The following TOX variants were observed in gnomAD, a reference collection of about 807,000 sequenced individuals.
TOX encodes the protein thymocyte selection-associated high mobility group box protein TOX.
A neutral mutation model predicts 53.7 loss-of-function variants in TOX; 11 were observed. The ratio of observed to expected loss-of-function variants is 0.20; its 90% CI spans 0.13 to 0.34. The LOEUF is 0.34. Among genes scored for constraint, TOX ranks in the 10% least tolerant of loss-of-function variants. The pLI is 1.00. For synonymous variants in TOX, 225 were observed against 245.3 expected (o/e 0.92, Z 0.77); for missense variants, 570 against 664.6 (o/e 0.86, Z 1.56).
At chr8:58,928,591 T>C (rs1270927153) in intron 3 of TOX, among the ~76,000 whole-genome samples, 2 of 152,150 alleles carry the variant, frequency 1.3e-5, no homozygotes, top group Non-Finnish European at 2.9e-5. Context: ...AGTTACGTGA[T>C]CATAGCCTAT....
intron 3 of TOX, among the ~76,000 whole-genome samples, chr8:58,904,116 G>A (rs1563384810): frequency 1.3e-5 from 2 of 152,040 alleles, no homozygotes; most frequent in Non-Finnish European, 2.9e-5. Flanking sequence ...TGAGAAAAGT[G>A]TTCAAATACA....
At chr8:58,952,879 C>T (rs1461797378) in intron 2 of TOX, among the ~76,000 whole-genome samples, 1 of 152,160 alleles carries the variant, frequency 6.6e-6, no homozygotes, top group Non-Finnish European at 1.5e-5. Context: ...TTTAACCCAT[C>T]AGCAGCCTCA....
intron 1 of TOX, among the ~76,000 whole-genome samples, chr8:59,026,343 G>A (rs1029440282): frequency 1.3e-5 from 2 of 152,126 alleles, no homozygotes; most frequent in Non-Finnish European, 2.9e-5. Flanking sequence ...AGGCCTGAGA[G>A]GAATGTGTAA....
intron 1 of TOX, among the ~76,000 whole-genome samples, chr8:59,014,090 A>G (rs1813964992): frequency 6.6e-6 from 1 of 152,228 alleles, no homozygotes; most frequent in Non-Finnish European, 1.5e-5. Flanking sequence ...TAAAGTTTAA[A>G]AGACACTGTA....
chr8:58,929,164 T>TCCAC (rs1812216871), intron 3 of TOX, among the ~76,000 whole-genome samples: 1 of 152,148 alleles, frequency 6.6e-6, no homozygotes, highest in African/African-American at 2.4e-5. Context: ...TCAGAGGATT[T>TCCAC]AACTATCATT....
intron 1 of TOX, among the ~76,000 whole-genome samples, chr8:59,006,082 G>C (rs1351259706): frequency 1.3e-5 from 2 of 152,184 alleles, no homozygotes; most frequent in African/African-American, 4.8e-5. Context: ...ATAGATGTCA[G>C]ATCTTCTAAT....
At chr8:58,836,866 TCAGTGCCCAGAA>T (rs1810554588) in intron 5 of TOX, among the ~76,000 whole-genome samples, 1 of 152,220 alleles carries the variant, frequency 6.6e-6, no homozygotes. Flanking sequence ...TGTTCTATCC[TCAGTGCCCAGAA>T]CAGTGCCTGG....
At chr8:59,041,220 T>C (rs562765339) in intron 1 of TOX, among the ~76,000 whole-genome samples, 9 of 152,170 alleles carry the variant, frequency 5.9e-5, no homozygotes, top group Non-Finnish European at 1.0e-4. Flanking sequence ...CTTTCTCTAT[T>C]TAATTGATGG....
At chr8:58,860,246 A>G (rs1401680290) in intron 3 of TOX, among the ~76,000 whole-genome samples, 3 of 152,132 alleles carry the variant, frequency 2.0e-5, no homozygotes, top group Admixed American at 1.3e-4. Flanking sequence ...CAACTCATAA[A>G]AAGAGGATAA....
chr8:59,006,875 T>A (rs1485066132), intron 1 of TOX, among the ~76,000 whole-genome samples: 1 of 152,140 alleles, frequency 6.6e-6, no homozygotes, highest in Non-Finnish European at 1.5e-5. Flanking sequence ...TTGATGTAGG[T>A]CTCTTCTAAT....
chr8:58,980,332 G>C lies in TOX; in HGVS notation c.103-20324C>G, dbSNP rs558881435. On this transcript the variant is annotated intron_variant, in intron 1 of 8. Transcript: ENST00000361421. ...AGAGACCTCATCAGCTGTCTCCTGG[G>C]AGCTGCCGCTTGGCCTGTTCTCTCA... Among the ~76,000 whole-genome samples, 3 of 152,148 alleles carry C rather than the reference G, an allele frequency of 2.0e-5. No individual in the cohort carries two copies. The South Asian group carries it at 6.2e-4, about 32-fold the overall frequency.
chr8:59,040,774 C>T (rs547996130), intron 1 of TOX, among the ~76,000 whole-genome samples: 1 of 152,336 alleles, frequency 6.6e-6, no homozygotes, highest in Non-Finnish European at 1.5e-5. Flanking sequence ...GAGCCCCAAG[C>T]TACTCACTGC....
At chr8:59,047,962 A>C (rs925209349) in intron 1 of TOX, among the ~76,000 whole-genome samples, 1 of 152,236 alleles carries the variant, frequency 6.6e-6, no homozygotes, top group African/African-American at 2.4e-5. Flanking sequence ...GATACTCAGA[A>C]TAGAAACATA....
rs536195513 is a variant in TOX at position 59,110,821 on chromosome 8, C to T, written c.102+8065G>A. Among the ~76,000 whole-genome samples the T allele has an allele frequency of 3.9e-5, 6 of 152,018 alleles. No individual in the cohort carries two copies. In the South Asian group the frequency reaches 6.2e-4, roughly 16 times the overall value. ...TTTTCCCAATTCACCTTTGACTCTC[C>T]GGAAAGGTTATCTCTTTGACTCTCT... On this transcript the variant is annotated intron_variant, in intron 1 of 8. Transcript: ENST00000361421.
intron 5 of TOX, among the ~76,000 whole-genome samples, chr8:58,829,466 T>C (rs1437571066): frequency 6.6e-6 from 1 of 152,044 alleles, no homozygotes; most frequent in Non-Finnish European, 1.5e-5. Context: ...TCACGTCACA[T>C]TACATGGATT....
At chr8:59,027,994 C>T (rs1814276956) in intron 1 of TOX, among the ~76,000 whole-genome samples, 1 of 152,028 alleles carries the variant, frequency 6.6e-6, no homozygotes, top group Non-Finnish European at 1.5e-5. Context: ...ACTCTGTGTT[C>T]AAAGAAGAAA....
rs575065336 is a variant in TOX, at chr8:59,028,406, T to A, written c.103-68398A>T. On this transcript the variant is annotated intron_variant, in intron 1 of 8. Transcript: ENST00000361421. The stretch of plus-strand genomic sequence containing the variant: ...TTACAAAGGCTTAGAAGCCATATAT[T>A]TTATAGTTTCTTAGACATCAAAAAT... Among the ~76,000 whole-genome samples the A allele has an allele frequency of 8.1e-4, 123 of 152,282 alleles. No homozygotes were observed. In the Middle Eastern group the frequency reaches 0.01, roughly 13 times the overall value.
At chr8:58,850,624 G>A (rs1478394879) in intron 4 of TOX, among the ~76,000 whole-genome samples, 1 of 152,160 alleles carries the variant, frequency 6.6e-6, no homozygotes, top group African/African-American at 2.4e-5. Context: ...CTAGCAGAGT[G>A]TCGTCTGCAA....
chr8:58,940,005 C>T (rs559162821), intron 2 of TOX, among the ~76,000 whole-genome samples: 1 of 152,264 alleles, frequency 6.6e-6, no homozygotes, highest in South Asian at 2.1e-4. Context: ...TGAAAGGCTA[C>T]CTGCTCACAA....
Sources: gnomAD v4.1 joint callset for allele counts (sites outside exome capture counted in the v4.1 genomes callset) on GRCh38, gnomAD v4.1.1 for gene constraint, MANE v1.5 for transcripts, NCBI Gene and HGNC (gene_info 2026-07-23, HGNC 2026-07-21) for gene names.